NUMB: variants seen among roughly 807,000 people sequenced by gnomAD.
NUMB encodes NUMB endocytic adaptor protein, also known as protein numb homolog.
Under a neutral mutation model 59.7 loss-of-function variants are expected in NUMB, and 29 were observed. The observed-to-expected ratio is 0.49, with a 90% CI of 0.36 to 0.66. The LOEUF is 0.66. Ranked by LOEUF, NUMB falls within the 30% of genes least tolerant of loss-of-function variation. The probability of loss-of-function intolerance (pLI) is 0.00; values close to 1 mark genes in which losing one functional copy is unlikely to be tolerated. For synonymous variants in NUMB, 288 were observed against 288.2 expected (o/e 1.00, Z 0.01); for missense variants, 723 against 822.0 (o/e 0.88, Z 1.47).
chr14:73,320,180 C>T (rs1356379251), intron 5 of NUMB, among the ~76,000 whole-genome samples: 1 of 152,020 alleles, frequency 6.6e-6, no homozygotes, highest in South Asian at 2.1e-4. Context: ...GCATAAGAAA[C>T]AGGAAATTTA....
intron 4 of NUMB, among the ~76,000 whole-genome samples, chr14:73,354,321 C>G (rs1893647037): frequency 6.6e-6 from 1 of 151,826 alleles, no homozygotes; most frequent in Non-Finnish European, 1.5e-5. Flanking sequence ...CCAGCCTGGT[C>G]AATGTGGTGA....
At chr14:73,371,769 T>C (rs1384876184) in intron 2 of NUMB, among the ~76,000 whole-genome samples, 1 of 152,134 alleles carries the variant, frequency 6.6e-6, no homozygotes, top group Non-Finnish European at 1.5e-5. Context: ...TTTCCACTTT[T>C]TGGCCATGTG....
At chr14:73,450,481 G>A (rs542600683) in intron 1 of NUMB, among the ~76,000 whole-genome samples, 20 of 152,334 alleles carry the variant, frequency 1.3e-4, no homozygotes, top group African/African-American at 3.6e-4. Flanking sequence ...GGAAAAAAAA[G>A]TTTTATCTTG....
chr14:73,456,934 G>C (rs1884416297), intron 1 of NUMB, among the ~76,000 whole-genome samples: 1 of 152,094 alleles, frequency 6.6e-6, no homozygotes, highest in Non-Finnish European at 1.5e-5. Flanking sequence ...CTGCGAGCCA[G>C]GTCTTTACCT....
intron 3 of NUMB, among the ~76,000 whole-genome samples, chr14:73,360,153 C>T (rs948720647): frequency 8.5e-5 from 13 of 152,256 alleles, no homozygotes; most frequent in Non-Finnish European, 1.5e-4. Flanking sequence ...AAAATCCAAA[C>T]TCTCACTATT....
chr14:73,376,526 A>G (rs986802043), intron 2 of NUMB, among the ~76,000 whole-genome samples: 10 of 129,362 alleles, frequency 7.7e-5, no homozygotes, highest in Non-Finnish European at 1.1e-4. Flanking sequence ...TAAAGTTTAT[A>G]TGGAAAAAAA....
intron 4 of NUMB, among the ~76,000 whole-genome samples, chr14:73,329,444 G>A (rs995080007): frequency 6.6e-6 from 1 of 152,134 alleles, no homozygotes; most frequent in African/African-American, 2.4e-5. Context: ...ATTTCAGCTT[G>A]AGCTTCTCCC....
At chr14:73,295,768 A>G (rs1889734685) in intron 7 of NUMB, among the ~76,000 whole-genome samples, 1 of 152,010 alleles carries the variant, frequency 6.6e-6, no homozygotes, top group African/African-American at 2.4e-5. Flanking sequence ...AGGAAATTTT[A>G]ATTAACAATT....
chr14:73,294,339 A>G (rs1889615030), intron 7 of NUMB, among the ~76,000 whole-genome samples: 1 of 151,736 alleles, frequency 6.6e-6, no homozygotes, highest in African/African-American at 2.4e-5. Flanking sequence ...CCGAGGAGCT[A>G]GGACTACAGG....
At chr14:73,452,672 T>C (rs895525485) in intron 1 of NUMB, among the ~76,000 whole-genome samples, 3 of 152,178 alleles carry the variant, frequency 2.0e-5, no homozygotes, top group African/African-American at 7.2e-5. Context: ...CCTAATCCCA[T>C]ACTCCACTGG....
intron 1 of NUMB, among the ~76,000 whole-genome samples, chr14:73,429,820 G>A (rs1231838829): frequency 6.6e-6 from 1 of 151,958 alleles, no homozygotes; most frequent in Non-Finnish European, 1.5e-5. Flanking sequence ...GCACATGCCT[G>A]TAATCCCAGC....
intron 2 of NUMB, among the ~76,000 whole-genome samples, chr14:73,368,163 G>A (rs1439490729): frequency 6.6e-6 from 1 of 152,086 alleles, no homozygotes; most frequent in Admixed American, 6.6e-5. Context: ...ACTGGGATTT[G>A]GCTTTCAAAA....
intron 3 of NUMB, among the ~76,000 whole-genome samples, chr14:73,365,925 G>T (rs1289917795): frequency 6.6e-6 from 1 of 152,144 alleles, no homozygotes; most frequent in African/African-American, 2.4e-5. Context: ...TGGTTCAAAG[G>T]TCATTCAGTG....
chr14:73,373,351 C>A (rs771675999), intron 2 of NUMB, among the ~76,000 whole-genome samples: 7 of 152,202 alleles, frequency 4.6e-5, no homozygotes, highest in Middle Eastern at 3.2e-3. Context: ...AATTATAAGT[C>A]CCTGCCCTGT....
At chr14:73,395,582 C>T (rs148412866) in intron 2 of NUMB, among the ~76,000 whole-genome samples, 1 of 152,162 alleles carries the variant, frequency 6.6e-6, no homozygotes, top group East Asian at 1.9e-4. Flanking sequence ...GATCATACCA[C>T]TGCACTCCAG....
chr14:73,454,314 T>C (rs1884203046), intron 1 of NUMB, among the ~76,000 whole-genome samples: 1 of 152,228 alleles, frequency 6.6e-6, no homozygotes, highest in Non-Finnish European at 1.5e-5. Flanking sequence ...CAGATGTGTT[T>C]TGGCAAGTCC....
At chr14:73,310,632 A>C (rs943232231) in intron 6 of NUMB, among the ~76,000 whole-genome samples, 7 of 152,092 alleles carry the variant, frequency 4.6e-5, no homozygotes, top group Non-Finnish European at 8.8e-5. Flanking sequence ...AGCTGGGTGA[A>C]CTCTCTGAGC....
chr14:73,302,239 G>T (rs1566734016), intron 6 of NUMB, among the ~76,000 whole-genome samples: 1 of 152,018 alleles, frequency 6.6e-6, no homozygotes, highest in Non-Finnish European at 1.5e-5. Flanking sequence ...ACGAATTCTT[G>T]TATTTGTTCA....
intron 8 of NUMB, among the ~76,000 whole-genome samples, chr14:73,290,600 T>A (rs939481112): frequency 6.6e-6 from 1 of 152,230 alleles, no homozygotes; most frequent in Non-Finnish European, 1.5e-5. Context: ...ATCTTCCAGA[T>A]TAAACGTTGG....
Sources: allele counts gnomAD v4.1 joint callset (sites outside exome capture counted in the v4.1 genomes callset), GRCh38; gene constraint gnomAD v4.1.1; transcripts MANE v1.5; gene names NCBI Gene and HGNC (gene_info 2026-07-23, HGNC 2026-07-21).